FAM135B: variants seen among roughly 807,000 people sequenced by gnomAD.
The protein encoded by FAM135B is family with sequence similarity 135 member B, also known as protein FAM135B.
FAM135B carries 43 observed loss-of-function variants against 127.7 expected under a neutral mutation model. The ratio of observed to expected loss-of-function variants is 0.34; its 90% CI spans 0.26 to 0.43. FAM135B has a LOEUF of 0.43. Ranked by LOEUF, FAM135B falls within the 20% of genes least tolerant of loss-of-function variation. FAM135B has a pLI of 1.00. For missense variants in FAM135B, 1,558 were observed against 1,725.6 expected (o/e 0.90, Z 1.72); for synonymous variants, 670 against 665.1 (o/e 1.01, Z -0.11).
rs1818250487 is a variant in FAM135B at position 138,152,382 on chromosome 8, G to A, written c.2093C>T (p.Ser698Leu). The change falls in exon 13 of 20, where the codon TCA becomes TTA. Residue 698 changes from serine (S) to leucine (L), a missense_variant. Coordinates refer to ENST00000395297, the MANE Select transcript of FAM135B (RefSeq NM_015912.4). Reference protein sequence around the residue: ...IESEPSSVAWSEARSRALELP... With the variant: ...IESEPSSVAWLEARSRALELP... ...CTCCAGAGCCCTGCTTCGGGCCTCT[G>A]ACCAGGCGACGGAGCTTGGCTCACT... 3 of 1,614,172 alleles carry A rather than the reference G, an allele frequency of 1.9e-6. No individual in the cohort carries two copies. Among genetic ancestry groups the A allele is most frequent in the Non-Finnish European group, 2.5e-6 (3 of 1,180,042 alleles).
intron 7 of FAM135B, among the ~76,000 whole-genome samples, chr8:138,219,241 G>A (rs541318783): frequency 1.2e-4 from 18 of 152,306 alleles, no homozygotes; most frequent in Non-Finnish European, 2.1e-4. Flanking sequence ...GATAGGAAGT[G>A]GGGAGTTTCA....
At chr8:138,142,539 C>T (rs991516723) in intron 16 of FAM135B, among the ~76,000 whole-genome samples, 3 of 151,880 alleles carry the variant, frequency 2.0e-5, no homozygotes, top group South Asian at 2.1e-4. Context: ...CTCCTGACCT[C>T]GTGATCCGCC....
At chr8:138,435,222 G>A (rs1029891625) in intron 1 of FAM135B, among the ~76,000 whole-genome samples, 5 of 152,028 alleles carry the variant, frequency 3.3e-5, no homozygotes, top group African/African-American at 7.2e-5. Flanking sequence ...ACTTGAACCC[G>A]GGAGGCAGAG....
chr8:138,296,329 G>A (rs977196696), intron 3 of FAM135B, among the ~76,000 whole-genome samples: 9 of 152,068 alleles, frequency 5.9e-5, no homozygotes, highest in African/African-American at 2.2e-4. Flanking sequence ...GTATCTGCTG[G>A]TGACTCCACA....
At chr8:138,217,152 G>T (rs1190686789) in intron 7 of FAM135B, among the ~76,000 whole-genome samples, 1 of 152,148 alleles carries the variant, frequency 6.6e-6, no homozygotes, top group African/African-American at 2.4e-5. Flanking sequence ...AATGCCTGAC[G>T]AATATGCCCA....
Position 138,491,067 on chromosome 8 carries a change from G to T in FAM135B, c.-20+5604C>A, listed in dbSNP as rs528885329. Among the ~76,000 whole-genome samples, 10 of 151,340 alleles carry T rather than the reference G, an allele frequency of 6.6e-5. No homozygotes were observed. The East Asian group carries it at 1.6e-3, about 24-fold the overall frequency. On this transcript the variant is annotated intron_variant, in intron 1 of 19. Transcript: ENST00000395297. ...GAGGCAGGAGAATCGCTTCAACCCA[G>T]GAAGTGGAGGTTGCAGTGAGCCGAG...
At chr8:138,385,161 C>G (rs1442823204) in intron 1 of FAM135B, among the ~76,000 whole-genome samples, 6 of 152,186 alleles carry the variant, frequency 3.9e-5, no homozygotes, top group Non-Finnish European at 2.9e-5. Context: ...TTTCTGACAA[C>G]TGCTCAGAGC....
intron 2 of FAM135B, among the ~76,000 whole-genome samples, chr8:138,347,425 A>T (rs1829492854): frequency 6.6e-6 from 1 of 152,190 alleles, no homozygotes; most frequent in Admixed American, 6.5e-5. Flanking sequence ...CCCTGGCATC[A>T]TAGCCTATGA....
At chr8:138,468,619 T>C (rs1416648769) in intron 1 of FAM135B, among the ~76,000 whole-genome samples, 2 of 152,244 alleles carry the variant, frequency 1.3e-5, no homozygotes, top group African/African-American at 2.4e-5. Context: ...TTGCTTTTGA[T>C]TCAGCCAGCT....
At chr8:138,311,851 C>T (rs527295293) in intron 2 of FAM135B, among the ~76,000 whole-genome samples, 13 of 152,186 alleles carry the variant, frequency 8.5e-5, no homozygotes, top group African/African-American at 2.2e-4. Flanking sequence ...AGGGCACTGG[C>T]GCTGGATTCA....
chr8:138,371,203 ACCTAC>A (rs1006717319), intron 1 of FAM135B, among the ~76,000 whole-genome samples: 6 of 152,210 alleles, frequency 3.9e-5, no homozygotes, highest in African/African-American at 1.4e-4. Flanking sequence ...GAGCAAGAGT[ACCTAC>A]CCTATAAAAG....
intron 2 of FAM135B, among the ~76,000 whole-genome samples, chr8:138,352,543 A>G (rs1440966127): frequency 2.6e-5 from 4 of 152,160 alleles, no homozygotes; most frequent in African/African-American, 9.7e-5. Context: ...GCATCCATTC[A>G]TCTTCTCTCC....
At chr8:138,273,990 C>T (rs78746625) in intron 3 of FAM135B, among the ~76,000 whole-genome samples, 5,246 of 152,192 alleles carry the variant, frequency 0.034, 250 homozygotes, top group African/African-American at 0.11. Context: ...GATCCTTCAC[C>T]GCTTGATGTG....
chr8:138,340,082 C>T (rs1328684358), intron 2 of FAM135B, among the ~76,000 whole-genome samples: 1 of 152,148 alleles, frequency 6.6e-6, no homozygotes, highest in Non-Finnish European at 1.5e-5. Context: ...TGCAGTCCTT[C>T]CCGAAGCACA....
At chr8:138,338,031 G>C (rs935721829) in intron 2 of FAM135B, among the ~76,000 whole-genome samples, 9 of 152,144 alleles carry the variant, frequency 5.9e-5, no homozygotes, top group East Asian at 1.9e-4. Flanking sequence ...TTTAATAAAT[G>C]GTGCTGGGAA....
At chr8:138,272,831 T>C (rs1823489826) in intron 3 of FAM135B, among the ~76,000 whole-genome samples, 1 of 152,234 alleles carries the variant, frequency 6.6e-6, no homozygotes, top group Non-Finnish European at 1.5e-5. Context: ...GTGTATGGCG[T>C]TGTACCTCAT....
chr8:138,258,954 A>C (rs1822329968), intron 4 of FAM135B, among the ~76,000 whole-genome samples: 1 of 152,222 alleles, frequency 6.6e-6, no homozygotes, highest in Non-Finnish European at 1.5e-5. Flanking sequence ...GAAATAATAT[A>C]AGAAGCTAGC....
At chr8:138,491,213 C>A (rs1001139759) in intron 1 of FAM135B, among the ~76,000 whole-genome samples, 1 of 150,806 alleles carries the variant, frequency 6.6e-6, no homozygotes, top group African/African-American at 2.4e-5. Context: ...TCACAAAGCC[C>A]AACAACAAAA....
chr8:138,222,611 T>C (rs1301903513), intron 7 of FAM135B, among the ~76,000 whole-genome samples: 2 of 151,654 alleles, frequency 1.3e-5, no homozygotes, highest in African/African-American at 4.8e-5. Context: ...AGCTAGTAAG[T>C]AGAATAGTTA....
Sources: gnomAD v4.1 joint callset for allele counts (sites outside exome capture counted in the v4.1 genomes callset) on GRCh38, gnomAD v4.1.1 for gene constraint, MANE v1.5 for transcripts, NCBI Gene and HGNC (gene_info 2026-07-23, HGNC 2026-07-21) for gene names.